The following MICAL3 variants were observed in gnomAD, a reference collection of about 807,000 sequenced individuals.
MICAL3 encodes the protein microtubule associated monooxygenase, calponin and LIM domain containing 3.
In MICAL3, 62 loss-of-function variants were observed where a neutral mutation model predicts 207.4. That is an observed-to-expected ratio of 0.30 (90% confidence interval 0.24 to 0.37). The LOEUF is 0.37. Among genes scored for constraint, MICAL3 ranks in the 10% least tolerant of loss-of-function variants. MICAL3 has a pLI of 1.00. For synonymous variants in MICAL3, 1,077 were observed against 1,069.3 expected (o/e 1.01, Z -0.14); for missense variants, 2,368 against 2,635.6 (o/e 0.90, Z 2.22).
At chr22:17,801,000 G>A (rs1263707002) in intron 29 of MICAL3, among the ~76,000 whole-genome samples, 5 of 152,142 alleles carry the variant, frequency 3.3e-5, no homozygotes, top group Non-Finnish European at 5.9e-5. Flanking sequence ...CCCCCACGTG[G>A]TGGGCAGAAC....
At position 17,984,953 on chromosome 22, in the gene MICAL3, G is replaced by A. The variant is rs968255221; in HGVS notation, c.-75+39328C>T. Among the ~76,000 whole-genome samples the A allele has an allele frequency of 9.2e-5, 14 of 152,196 alleles. No homozygotes were observed. The South Asian group carries it at 1.5e-3, about 16-fold the overall frequency. ...TCCACCTCTCAGTAAGCATGAGTGA[G>A]CAACACAGCATGCTAGAGGGTGAGT... On this transcript the variant is annotated intron_variant, in intron 1 of 31. Transcript: ENST00000441493.
intron 16 of MICAL3, among the ~76,000 whole-genome samples, chr22:17,877,749 C>G (rs1214713435): frequency 6.6e-6 from 1 of 152,036 alleles, no homozygotes; most frequent in Admixed American, 6.5e-5. Flanking sequence ...CTCCTGAGCT[C>G]AAAAACCCTA....
chr22:17,835,950 T>C (rs1179935816), intron 20 of MICAL3, among the ~76,000 whole-genome samples: 1 of 152,212 alleles, frequency 6.6e-6, no homozygotes, highest in Non-Finnish European at 1.5e-5. Context: ...CTTTCAGAGA[T>C]GTCAGAGGTT....
intron 12 of MICAL3, among the ~76,000 whole-genome samples, chr22:17,889,943 A>G (rs4819645): frequency 0.23 from 34,327 of 152,158 alleles, 5,242 homozygotes; most frequent in African/African-American, 0.42. Context: ...GCCTGGGACT[A>G]TCACCCACCA....
chr22:17,896,038 G>A (rs1414011160), intron 9 of MICAL3, among the ~76,000 whole-genome samples: 1 of 152,198 alleles, frequency 6.6e-6, no homozygotes, highest in Non-Finnish European at 1.5e-5. Context: ...TTGGAAAGGA[G>A]TAAGAGAAGA....
intron 1 of MICAL3, among the ~76,000 whole-genome samples, chr22:18,010,654 A>G (rs989914030): frequency 6.6e-6 from 1 of 152,180 alleles, no homozygotes; most frequent in East Asian, 1.9e-4. Context: ...TCCCACTGGC[A>G]GAAAAGGAGC....
At chr22:17,999,474 A>G (rs1922682320) in intron 1 of MICAL3, among the ~76,000 whole-genome samples, 1 of 152,166 alleles carries the variant, frequency 6.6e-6, no homozygotes, top group Non-Finnish European at 1.5e-5. Context: ...ATCCAATATC[A>G]TCATCCCCAG....
chr22:17,969,129 A>G (rs1473302132), intron 1 of MICAL3, among the ~76,000 whole-genome samples: 2 of 151,686 alleles, frequency 1.3e-5, no homozygotes, highest in Non-Finnish European at 2.9e-5. Context: ...TGCAACCTCC[A>G]CCTCCCGGGT....
chr22:17,895,371 C>T lies in MICAL3; in HGVS notation c.1362G>A (p.Glu454=), dbSNP rs1602167606. 1.9e-6 allele frequency: 3 copies of T among 1,613,816 alleles called. No homozygotes were observed. The highest frequency in any genetic ancestry group is 2.5e-6 in the Non-Finnish European group (3 of 1,179,812). Residue 454 remains glutamate, a synonymous_variant, in exon 10 of 32, where the codon GAG becomes GAA. Coordinates refer to ENST00000441493, the MANE Select transcript of MICAL3 (RefSeq NM_015241.3). ...ACTGGCTGAAGTTCTTACTCACATT[C>T]TCAGGGGTGGTCTGAGGCAGCAACC... The part of the protein sequence containing the change: ...IYRLLPQTTP[E]NVSKNFSQYS...
intron 19 of MICAL3, among the ~76,000 whole-genome samples, chr22:17,843,072 G>T (rs575292352): frequency 1.6e-3 from 216 of 137,424 alleles, no homozygotes; most frequent in African/African-American, 5.3e-3. Context: ...AGTGAACCGA[G>T]ATTGCGCCAC....
At chr22:17,886,794 G>A (rs1338923135) in intron 15 of MICAL3, among the ~76,000 whole-genome samples, 1 of 130,182 alleles carries the variant, frequency 7.7e-6, no homozygotes, top group Non-Finnish European at 1.6e-5. Context: ...AAGAGAGCCA[G>A]ACTCTGTCTC....
chr22:17,796,717 G>A lies in MICAL3; in HGVS notation c.5651-5416C>T, dbSNP rs1240333892. Among the ~76,000 whole-genome samples the A allele has an allele frequency of 1.3e-5, 2 of 152,210 alleles. No homozygotes were observed. Among genetic ancestry groups the A allele is most frequent in the Non-Finnish European group, 2.9e-5 (2 of 68,042 alleles). ...CCCTTCCTGCCTCGTCTTCTGAAGA[G>A]GCCCTGAGAGGGTAAGTAGAGTCTG... On this transcript the variant is annotated intron_variant, in intron 29 of 31. Coordinates refer to ENST00000441493, the MANE Select transcript of MICAL3 (RefSeq NM_015241.3). The surrounding 1 kb of genome is among the most constrained non-coding windows in gnomAD (Gnocchi z 4.4).
At chr22:17,906,522 C>T (rs376651479) in intron 2 of MICAL3, 27 bp downstream of exon 2, 313 of 1,612,584 alleles carry the variant, frequency 1.9e-4, no homozygotes, top group Admixed American at 3.5e-4. Context: ...GTCAGTGACC[C>T]CAGGGCCCAA....
intron 1 of MICAL3, among the ~76,000 whole-genome samples, chr22:17,996,406 T>G (rs1922282928): frequency 6.7e-6 from 1 of 149,918 alleles, no homozygotes; most frequent in African/African-American, 2.5e-5. Context: ...GTCGTGCCAC[T>G]GCACTCCAGC....
intron 19 of MICAL3, among the ~76,000 whole-genome samples, chr22:17,843,649 C>T (rs1924309906): frequency 6.6e-6 from 1 of 152,236 alleles, no homozygotes; most frequent in African/African-American, 2.4e-5. Context: ...CGGTCACCTT[C>T]CTCTTCCACT....
At chr22:18,001,922 G>A (rs187860468) in intron 1 of MICAL3, among the ~76,000 whole-genome samples, 59 of 152,364 alleles carry the variant, frequency 3.9e-4, no homozygotes, top group African/African-American at 1.3e-3. Flanking sequence ...TGTTGGCCGG[G>A]CGCGGTGGCT....
intron 29 of MICAL3, among the ~76,000 whole-genome samples, chr22:17,800,576 C>A (rs921142768): frequency 6.6e-6 from 1 of 152,164 alleles, no homozygotes; most frequent in African/African-American, 2.4e-5. Flanking sequence ...CTGAGAGCCA[C>A]TGAAAGAGCC....
intron 1 of MICAL3, among the ~76,000 whole-genome samples, chr22:17,960,300 G>A (rs1170899210): frequency 6.6e-6 from 1 of 152,234 alleles, no homozygotes; most frequent in Non-Finnish European, 1.5e-5. Context: ...CTGTGTGTAT[G>A]TAGGCCTCTG....
chr22:17,819,396 C>A (rs1863392642), intron 25 of MICAL3, among the ~76,000 whole-genome samples: 1 of 152,154 alleles, frequency 6.6e-6, no homozygotes, highest in Non-Finnish European at 1.5e-5. Context: ...ATCCTATATT[C>A]TTTGTCCACT....
Sources: gnomAD v4.1 joint callset for allele counts (sites outside exome capture counted in the v4.1 genomes callset) on GRCh38, gnomAD v4.1.1 for gene constraint, Gnocchi (gnomAD v3.1) non-coding constraint, MANE v1.5 for transcripts, NCBI Gene and HGNC (gene_info 2026-07-23, HGNC 2026-07-21) for gene names.